The following PPP2R3C variants were observed in gnomAD, a reference collection of about 807,000 sequenced individuals.
PPP2R3C encodes serine/threonine-protein phosphatase 2A regulatory subunit B'' subunit gamma.
In PPP2R3C, 47 loss-of-function variants were observed where a neutral mutation model predicts 63.7. That is an observed-to-expected ratio of 0.74 (90% CI 0.58 to 0.94). The LOEUF is 0.94. PPP2R3C is among the 40% of genes least tolerant of loss of function. The pLI, the probability that PPP2R3C is intolerant of heterozygous loss-of-function variation, is 0.00. For missense variants in PPP2R3C, 421 were observed against 518.4 expected (o/e 0.81, Z 1.82); for synonymous variants, 180 against 177.4 (o/e 1.01, Z -0.12).
chr14:35,099,020 T>A (rs1459978378), intron 7 of PPP2R3C: 1 of 398,046 alleles, frequency 2.5e-6, no homozygotes, highest in Admixed American at 4.7e-5. Context: ...TCCCCCCATC[T>A]GTCACACAGC....
At chr14:35,106,074 T>C (rs989436409) in intron 6 of PPP2R3C, among the ~76,000 whole-genome samples, 3 of 151,724 alleles carry the variant, frequency 2.0e-5, no homozygotes, top group African/African-American at 4.8e-5. Context: ...CTCGATCTCC[T>C]GACCTCGTGA....
rs748303560 is a variant in PPP2R3C, at chr14:35,107,385, A to G, written c.503-11T>C. Reference sequence around the variant, plus strand: ...TTTGATGAAGCCAAACTGACAATAAACAAGAAAATGAAAGTAATTCTTAAG... The same window carrying G: ...TTTGATGAAGCCAAACTGACAATAAGCAAGAAAATGAAAGTAATTCTTAAG... On this transcript the variant is annotated splice_polypyrimidine_tract_variant and intron_variant, in intron 5 of 12. Transcript: ENST00000261475. 9 of 1,586,322 alleles carry G rather than the reference A, an allele frequency of 5.7e-6. No individual in the cohort carries two copies. The South Asian group carries it at 8.8e-5, about 16-fold the overall frequency.
At chr14:35,110,950 T>G (rs1049648981) in intron 2 of PPP2R3C, among the ~76,000 whole-genome samples, 1 of 152,026 alleles carries the variant, frequency 6.6e-6, no homozygotes, top group East Asian at 1.9e-4. Flanking sequence ...TAGAATGATA[T>G]AGAATTGGCT....
intron 2 of PPP2R3C, 65 bp from the exon 3 acceptor site, chr14:35,110,694 G>T: frequency 9.4e-7 from 1 of 1,068,364 alleles, no homozygotes. Flanking sequence ...AAATGTATGT[G>T]GCCTCATAAA....
chr14:35,102,817 G>C (rs1168288982), intron 6 of PPP2R3C: 1 of 152,288 alleles, frequency 6.6e-6, no homozygotes, highest in African/African-American at 2.4e-5. Context: ...CTGGAGTGCA[G>C]TGGCTCAATC....
At chr14:35,107,981 C>T in intron 5 of PPP2R3C, 158 bp downstream of exon 5, 1 of 1,154,744 alleles carries the variant, frequency 8.7e-7, no homozygotes, top group Non-Finnish European at 1.1e-6. Flanking sequence ...TTTTTTTATG[C>T]TAACCCAAGT....
Position 35,096,565 on chromosome 14 carries a change from T to C in PPP2R3C, c.831A>G (p.Arg277=). Residue 277 remains arginine (R), a synonymous_variant, in exon 9 of 13, where the codon AGA becomes AGG. Coordinates refer to ENST00000261475, the MANE Select transcript of PPP2R3C (RefSeq NM_017917.4). The part of the protein sequence containing the change: ...TNWFSAPSAL[R]VYGQYLNLDK... ...ATTATGATAGGAACATACCATAAACTCTTAGGGCAGAAGGAGCAGAAAACC... is the reference window on the plus strand; with the variant it reads ...ATTATGATAGGAACATACCATAAACCCTTAGGGCAGAAGGAGCAGAAAACC... 1 of 1,612,618 alleles carries C rather than the reference T, an allele frequency of 6.2e-7. No homozygotes were observed. Among genetic ancestry groups the C allele is most frequent in the Non-Finnish European group, 8.5e-7 (1 of 1,178,794 alleles).
intron 12 of PPP2R3C, 103 bp from the exon 13 acceptor site, chr14:35,085,881 AATAAAAT>A: frequency 1.1e-6 from 1 of 906,724 alleles, no homozygotes; most frequent in Non-Finnish European, 1.6e-6. Context: ...AGTACAGAGG[AATAAAAT>A]TGAGGGCTGC....
At chr14:35,105,583 A>T (rs1051120664) in intron 6 of PPP2R3C, among the ~76,000 whole-genome samples, 15 of 151,896 alleles carry the variant, frequency 9.9e-5, no homozygotes, top group Non-Finnish European at 1.5e-4. Context: ...GTCATTTGTT[A>T]AAAAAAATAA....
At chr14:35,088,122 C>T in intron 11 of PPP2R3C, 112 bp from the exon 12 acceptor site, 1 of 773,914 alleles carries the variant, frequency 1.3e-6, no homozygotes, top group South Asian at 1.5e-5. Flanking sequence ...CCACAAACCT[C>T]ATCATTCTCT....
At chr14:35,090,270 G>A (rs1262634906) in intron 11 of PPP2R3C, among the ~76,000 whole-genome samples, 3 of 124,358 alleles carry the variant, frequency 2.4e-5, no homozygotes, top group Admixed American at 9.7e-5. Context: ...GAGACCGAGT[G>A]TTGCTTTGCT....
chr14:35,097,808 GGTCT>G (rs1433875015), intron 7 of PPP2R3C, among the ~76,000 whole-genome samples: 13 of 151,568 alleles, frequency 8.6e-5, no homozygotes, highest in Non-Finnish European at 1.6e-4. Context: ...GTACAGAAGA[GGTCT>G]GTCTTGCCAG....
chr14:35,106,350 CT>C (rs1045518137), intron 6 of PPP2R3C: 9 of 121,588 alleles, frequency 7.4e-5, no homozygotes, highest in Admixed American at 1.5e-4. Flanking sequence ...TTCTCTCTCT[CT>C]TTTTTTTTGA....
At chr14:35,101,648 AG>A (rs1458524853) in intron 6 of PPP2R3C, 4 of 152,334 alleles carry the variant, frequency 2.6e-5, no homozygotes, top group Non-Finnish European at 5.9e-5. Context: ...CTAATTTGAT[AG>A]GGGAAAAATG....
At chr14:35,113,825 G>A (rs61989498) in intron 2 of PPP2R3C, among the ~76,000 whole-genome samples, 2,510 of 152,156 alleles carry the variant, frequency 0.016, 35 homozygotes, top group Non-Finnish European at 0.027. Flanking sequence ...ATGCTGACCT[G>A]CATACCCTAC....
chr14:35,107,340 T>C lies in PPP2R3C; in HGVS notation c.537A>G (p.Leu179=). The C allele has an allele frequency of 6.2e-7, 1 of 1,609,582 alleles. No individual in the cohort carries two copies. Among genetic ancestry groups the C allele is most frequent in the Non-Finnish European group, 8.5e-7 (1 of 1,175,856 alleles). The part of the protein sequence containing the change: ...WLHQTRIGLS[L]YDVAGQGYLR... ...GGTACCCCTGCCCAGCGACATCATA[T>C]AAACTGAGTCCTATTCTTGTTTGAT... is the stretch of plus-strand genomic sequence containing the variant. The change falls in exon 6 of 13, where the codon TTA becomes TTG. Residue 179 remains leucine (L), a synonymous_variant. Transcript: ENST00000261475.
intron 4 of PPP2R3C, 42 bp downstream of exon 4, chr14:35,109,777 G>A: frequency 1.4e-6 from 2 of 1,462,006 alleles, no homozygotes; most frequent in Non-Finnish European, 1.9e-6. Context: ...CATTTAAAAT[G>A]CTTAACATAA....
intron 7 of PPP2R3C, among the ~76,000 whole-genome samples, chr14:35,097,746 C>T (rs992771925): frequency 4.6e-5 from 7 of 151,960 alleles, no homozygotes; most frequent in South Asian, 4.1e-4. Context: ...AGCCTCCCAA[C>T]GTGCTGGGAT....
chr14:35,099,133 A>C, intron 7 of PPP2R3C, 119 bp downstream of exon 7: 1 of 1,307,280 alleles, frequency 7.6e-7, no homozygotes. Flanking sequence ...AAATTCACCA[A>C]ATTTTTAATG....
Sources: allele counts gnomAD v4.1 joint callset (sites outside exome capture counted in the v4.1 genomes callset), GRCh38; gene constraint gnomAD v4.1.1; transcripts MANE v1.5; gene names NCBI Gene and HGNC (gene_info 2026-07-23, HGNC 2026-07-21).